Variants in SUCLG2 observed in about 807,000 individuals in gnomAD.
SUCLG2 encodes the protein succinate--CoA ligase [GDP-forming] subunit beta, mitochondrial.
In SUCLG2, 42 loss-of-function variants were observed where a neutral mutation model predicts 47.9. That is an observed-to-expected ratio of 0.88 (90% CI 0.69 to 1.14). The LOEUF is 1.14. Ranked by LOEUF, SUCLG2 falls within the 50% of genes most tolerant of loss-of-function variation. SUCLG2 has a pLI of 0.00. For synonymous variants in SUCLG2, 195 were observed against 197.3 expected (o/e 0.99, Z 0.10); for missense variants, 571 against 525.9 (o/e 1.09, Z -0.84).
chr3:67,454,879 G>A (rs1704145939), intron 9 of SUCLG2, among the ~76,000 whole-genome samples: 1 of 150,620 alleles, frequency 6.6e-6, no homozygotes. Context: ...GGAGAATGGC[G>A]TGAACCTGGG....
At chr3:67,497,139 T>C (rs1705367648) in intron 8 of SUCLG2, among the ~76,000 whole-genome samples, 1 of 152,190 alleles carries the variant, frequency 6.6e-6, no homozygotes, top group African/African-American at 2.4e-5. Flanking sequence ...ATCTGGTACA[T>C]TATAGTTATT....
At chr3:67,615,614 A>C (rs896174915) in intron 1 of SUCLG2, among the ~76,000 whole-genome samples, 1 of 127,854 alleles carries the variant, frequency 7.8e-6, no homozygotes, top group Non-Finnish European at 1.6e-5. Flanking sequence ...ACACAAACAC[A>C]AACACAAACA....
At chr3:67,601,819 T>G (rs1304526849) in intron 2 of SUCLG2, among the ~76,000 whole-genome samples, 1 of 151,798 alleles carries the variant, frequency 6.6e-6, no homozygotes, top group African/African-American at 2.4e-5. Flanking sequence ...CCGTGTCTAT[T>G]AAAAATATAA....
chr3:67,487,216 T>C (rs148874743), intron 9 of SUCLG2, among the ~76,000 whole-genome samples: 36 of 152,252 alleles, frequency 2.4e-4, no homozygotes, highest in African/African-American at 8.4e-4. Flanking sequence ...AATACCATTT[T>C]TGACTTGAAA....
chr3:67,529,472 G>A (rs1706344800), intron 2 of SUCLG2, among the ~76,000 whole-genome samples: 2 of 152,180 alleles, frequency 1.3e-5, no homozygotes, highest in Admixed American at 1.3e-4. Context: ...TTTTGAGTGT[G>A]TCAGAAGAAG....
intron 9 of SUCLG2, among the ~76,000 whole-genome samples, chr3:67,468,603 G>A (rs1704531474): frequency 6.6e-6 from 1 of 152,154 alleles, no homozygotes; most frequent in Admixed American, 6.5e-5. Context: ...GAAAGAAAAA[G>A]AGATGGGCCA....
downstream of SUCLG2, among the ~76,000 whole-genome samples, chr3:67,373,205 T>C (rs1701976272): frequency 1.3e-5 from 2 of 152,246 alleles, no homozygotes; most frequent in South Asian, 2.1e-4. Flanking sequence ...GAAAAAATAA[T>C]ATTCCTTCTA....
intron 2 of SUCLG2, among the ~76,000 whole-genome samples, chr3:67,565,365 G>A (rs995286757): frequency 4.6e-5 from 7 of 152,032 alleles, no homozygotes; most frequent in African/African-American, 1.7e-4. Context: ...GCACTACAGG[G>A]TGCCTTGGAA....
chr3:67,593,995 T>C (rs1708236089), intron 2 of SUCLG2, among the ~76,000 whole-genome samples: 1 of 152,196 alleles, frequency 6.6e-6, no homozygotes, highest in African/African-American at 2.4e-5. Context: ...CAGTTGGGCT[T>C]GCTCTCTTGC....
intron 6 of SUCLG2, among the ~76,000 whole-genome samples, chr3:67,512,962 T>C (rs1438583692): frequency 2.7e-5 from 4 of 150,736 alleles, no homozygotes; most frequent in Non-Finnish European, 5.9e-5. Context: ...TATCTCCATA[T>C]ATATGTATAT....
At chr3:67,467,084 C>T (rs553644070) in intron 9 of SUCLG2, among the ~76,000 whole-genome samples, 1 of 152,276 alleles carries the variant, frequency 6.6e-6, no homozygotes, top group East Asian at 1.9e-4. Flanking sequence ...GATATGAATA[C>T]AGAAACCAAG....
intron 7 of SUCLG2, among the ~76,000 whole-genome samples, chr3:67,507,362 T>C (rs1705665837): frequency 6.6e-6 from 1 of 152,216 alleles, no homozygotes; most frequent in African/African-American, 2.4e-5. Context: ...ATACTATTCC[T>C]GGGCTACTCT....
At chr3:67,632,221 C>T (rs971712954) in intron 1 of SUCLG2, among the ~76,000 whole-genome samples, 1 of 152,068 alleles carries the variant, frequency 6.6e-6, no homozygotes, top group Non-Finnish European at 1.5e-5. Context: ...TTCACTCTGT[C>T]GCCTAGACTG....
At chr3:67,558,272 G>C (rs1707213052) in intron 2 of SUCLG2, among the ~76,000 whole-genome samples, 1 of 150,342 alleles carries the variant, frequency 6.7e-6, no homozygotes, top group African/African-American at 2.5e-5. Context: ...CAAAATTATA[G>C]AGTAGCCATA....
chr3:67,397,155 G>A (rs1381738370), intron 10 of SUCLG2, among the ~76,000 whole-genome samples: 24 of 151,958 alleles, frequency 1.6e-4, no homozygotes, highest in Middle Eastern at 3.4e-3. Flanking sequence ...TCAACATAGT[G>A]TTGGAAGTTC....
intron 9 of SUCLG2, among the ~76,000 whole-genome samples, chr3:67,442,070 G>T (rs963655509): frequency 6.8e-6 from 1 of 146,960 alleles, no homozygotes; most frequent in Admixed American, 6.8e-5. Flanking sequence ...GAGTGCAGTG[G>T]CGGGATCTCA....
chr3:67,471,471 C>T (rs1704603370), intron 9 of SUCLG2, among the ~76,000 whole-genome samples: 1 of 152,194 alleles, frequency 6.6e-6, no homozygotes, highest in Non-Finnish European at 1.5e-5. Context: ...CCTCTAAATT[C>T]AAGCTCCTTA....
intron 10 of SUCLG2, among the ~76,000 whole-genome samples, chr3:67,397,673 A>G (rs1318421781): frequency 6.6e-6 from 1 of 152,202 alleles, no homozygotes; most frequent in East Asian, 1.9e-4. Context: ...AAACTACTTT[A>G]AAGTTCATAT....
At chr3:67,421,434 C>T (rs1174901314) in intron 9 of SUCLG2, among the ~76,000 whole-genome samples, 2 of 152,162 alleles carry the variant, frequency 1.3e-5, no homozygotes, top group Non-Finnish European at 2.9e-5. Context: ...AGTTGGGAGA[C>T]CTGGGTTCTA....
Sources: allele counts gnomAD v4.1 joint callset (sites outside exome capture counted in the v4.1 genomes callset), GRCh38; gene constraint gnomAD v4.1.1; transcripts MANE v1.5; gene names NCBI Gene and HGNC (gene_info 2026-07-23, HGNC 2026-07-21).